F13A1: variants seen among roughly 807,000 people sequenced by gnomAD.
F13A1 encodes coagulation factor XIII A chain.
A neutral mutation model predicts 80.1 loss-of-function variants in F13A1; 47 were observed. The observed-to-expected ratio is 0.59, with a 90% CI of 0.46 to 0.75. The LOEUF is 0.75. Among genes scored for constraint, F13A1 ranks in the 30% least tolerant of loss-of-function variants. The pLI is 0.00. For synonymous variants in F13A1, 349 were observed against 344.9 expected (o/e 1.01, Z -0.13); for missense variants, 817 against 930.4 (o/e 0.88, Z 1.59).
intron 2 of F13A1, among the ~76,000 whole-genome samples, chr6:6,312,571 G>A (rs1449775335): frequency 1.5e-5 from 2 of 131,850 alleles, no homozygotes; most frequent in Admixed American, 7.9e-5. Flanking sequence ...CCAGCTACTC[G>A]GGAGGCTGAG....
At chr6:6,190,428 G>A (rs1194915520) in intron 10 of F13A1, among the ~76,000 whole-genome samples, 1 of 151,150 alleles carries the variant, frequency 6.6e-6, no homozygotes, top group East Asian at 1.9e-4. Context: ...CTGTTTGTTA[G>A]TTTTCCTTCT....
chr6:6,282,159 A>G (rs1348588217), intron 3 of F13A1, among the ~76,000 whole-genome samples: 2 of 152,164 alleles, frequency 1.3e-5, no homozygotes, highest in Admixed American at 1.3e-4. Flanking sequence ...TAGGATCTAG[A>G]CCTTGGTTTC....
chr6:6,218,564 T>G (rs574019720), intron 8 of F13A1, among the ~76,000 whole-genome samples: 54 of 152,334 alleles, frequency 3.5e-4, no homozygotes, highest in Admixed American at 1.8e-3. Flanking sequence ...ATCTAATTAC[T>G]CTGCCCTGCT....
At chr6:6,286,349 T>C (rs770752917) in intron 3 of F13A1, among the ~76,000 whole-genome samples, 1 of 152,096 alleles carries the variant, frequency 6.6e-6, no homozygotes, top group Non-Finnish European at 1.5e-5. Flanking sequence ...TCGCGCCACT[T>C]CTCTCCAGCC....
Position 6,305,750 on chromosome 6 carries a change from C to T in F13A1, c.131-211G>A, listed in dbSNP as rs1381442896. The stretch of plus-strand genomic sequence containing the variant: ...TGAAGAGAGCTTTTTAAAGCTTTTT[C>T]CACCTTTGATCTCGTTTCAGACCAC... On this transcript the variant is annotated intron_variant, in intron 2 of 14. Coordinates refer to ENST00000264870, the MANE Select transcript of F13A1 (RefSeq NM_000129.4). 1.2e-5 allele frequency: 7 copies of T among 580,084 alleles called. No homozygotes were observed. The Admixed American group carries it at 2.0e-4, about 16-fold the overall frequency. The allele number at this position is 580,084 out of a possible 1,614,324, so 35.9% of individuals were successfully genotyped here.
intron 3 of F13A1, among the ~76,000 whole-genome samples, chr6:6,302,058 G>A (rs544096795): frequency 2.0e-5 from 3 of 152,230 alleles, no homozygotes; most frequent in Admixed American, 1.3e-4. Flanking sequence ...CTAGTAACCC[G>A]ATCTAAGACA....
At chr6:6,209,337 AAAC>A (rs1260230162) in intron 8 of F13A1, among the ~76,000 whole-genome samples, 2 of 151,926 alleles carry the variant, frequency 1.3e-5, no homozygotes, top group East Asian at 3.9e-4. Context: ...AAAAAAAAAA[AAAC>A]AGAAAATAAA....
Position 6,182,046 on chromosome 6 carries a change from G to A in F13A1, c.1401C>T (p.Thr467=), listed in dbSNP as rs1021924426. The change falls in exon 11 of 15, where the codon ACC becomes ACT. Residue 467 remains threonine, a synonymous_variant. Coordinates refer to ENST00000264870, the MANE Select transcript of F13A1 (RefSeq NM_000129.4). ...TCATGCCATCTCCTCCAATTTGTTT[G>A]GTCACAATTAATTTCCCAATGTGGG... ...DATHIGKLIV[T]KQIGGDGMMD... The A allele has an allele frequency of 6.2e-7, 1 of 1,614,088 alleles. No individual in the cohort carries two copies. Among genetic ancestry groups the A allele is most frequent in the Non-Finnish European group, 8.5e-7 (1 of 1,179,994 alleles).
At chr6:6,295,503 G>A (rs1285563856) in intron 3 of F13A1, among the ~76,000 whole-genome samples, 2 of 147,572 alleles carry the variant, frequency 1.4e-5, no homozygotes, top group Non-Finnish European at 3.0e-5. Context: ...CAGTGATGGT[G>A]AGCATTTTTT....
chr6:6,290,919 T>A (rs1416154724), intron 3 of F13A1, among the ~76,000 whole-genome samples: 2 of 152,236 alleles, frequency 1.3e-5, no homozygotes, highest in Non-Finnish European at 2.9e-5. Flanking sequence ...GCTGCACAGT[T>A]TGGGGCAAGA....
intron 2 of F13A1, among the ~76,000 whole-genome samples, chr6:6,306,772 G>A (rs906836066): frequency 1.3e-5 from 2 of 152,214 alleles, no homozygotes; most frequent in Non-Finnish European, 2.9e-5. Flanking sequence ...CACCATGTGC[G>A]CAGAAAGCAC....
chr6:6,176,740 AATG>A (rs1156492307), intron 11 of F13A1, among the ~76,000 whole-genome samples: 1 of 152,226 alleles, frequency 6.6e-6, no homozygotes. Context: ...AGAGAACATT[AATG>A]ATGATCACTT....
intron 5 of F13A1, among the ~76,000 whole-genome samples, chr6:6,249,664 T>C (rs1253246769): frequency 1.3e-5 from 2 of 152,260 alleles, no homozygotes; most frequent in East Asian, 1.9e-4. Context: ...TAGCTATCTA[T>C]AGATTGTCAT....
intron 11 of F13A1, among the ~76,000 whole-genome samples, 191 bp downstream of exon 11, chr6:6,181,797 G>A (rs1263541330): frequency 6.6e-6 from 1 of 152,162 alleles, no homozygotes; most frequent in Non-Finnish European, 1.5e-5. Flanking sequence ...CCCAAAGCAA[G>A]CTAGCAAAGA....
At chr6:6,193,518 C>T (rs901405928) in intron 10 of F13A1, among the ~76,000 whole-genome samples, 4 of 152,168 alleles carry the variant, frequency 2.6e-5, no homozygotes, top group African/African-American at 9.7e-5. Flanking sequence ...ACTCAAACAT[C>T]TCTTAAAAAT....
chr6:6,283,128 T>A (rs79611512), intron 3 of F13A1, among the ~76,000 whole-genome samples: 5,771 of 152,276 alleles, frequency 0.038, 147 homozygotes, highest in Admixed American at 0.077. Context: ...AATCTTCCTG[T>A]GAAAGATACG....
rs886061660 is a variant in F13A1 at position 6,222,155 on chromosome 6, T to A, written c.990A>T (p.Gly330=). ...GVFNTFLRCL[G]IPARIVTNYF... is the part of the protein sequence containing the mutation. ...AATTGGTAACAATTCTTGCTGGTAT[T>A]CCAAGGCATCGTAAAACTACAGGAA... Residue 330 remains glycine, a synonymous_variant, in exon 8 of 15, where the codon GGA becomes GGT. Coordinates refer to ENST00000264870, the MANE Select transcript of F13A1 (RefSeq NM_000129.4). 3.1e-6 allele frequency: 5 copies of A among 1,614,016 alleles called. No homozygotes were observed. Among genetic ancestry groups the A allele is most frequent in the Non-Finnish European group, 8.5e-7 (1 of 1,179,906 alleles).
intron 3 of F13A1, among the ~76,000 whole-genome samples, chr6:6,304,368 G>A (rs1019783628): frequency 2.6e-5 from 4 of 152,066 alleles, no homozygotes; most frequent in Non-Finnish European, 5.9e-5. Context: ...CCTATGTTGT[G>A]CCACCCCTGC....
intron 13 of F13A1, among the ~76,000 whole-genome samples, chr6:6,164,697 C>T (rs1760635230): frequency 6.7e-6 from 1 of 149,870 alleles, no homozygotes; most frequent in Non-Finnish European, 1.5e-5. Flanking sequence ...TTCCTCTTCT[C>T]TTCTGTTCTC....
Sources: allele counts gnomAD v4.1 joint callset (sites outside exome capture counted in the v4.1 genomes callset), GRCh38; gene constraint gnomAD v4.1.1; transcripts MANE v1.5; gene names NCBI Gene and HGNC (gene_info 2026-07-23, HGNC 2026-07-21).